Variants in WASHC4 observed in about 807,000 individuals in gnomAD.
WASHC4 encodes WASH complex subunit 4.
Under a neutral mutation model 166.6 loss-of-function variants are expected in WASHC4, and 86 were observed. The observed-to-expected ratio is 0.52, with a 90% CI of 0.43 to 0.62. The LOEUF (loss-of-function observed/expected upper bound fraction) is 0.62, where lower values mean the gene tolerates loss of function less well. WASHC4 is among the 20% of genes least tolerant of loss of function. The probability of loss-of-function intolerance (pLI) is 0.00; values close to 1 mark genes in which losing one functional copy is unlikely to be tolerated. For missense variants in WASHC4, 1,262 were observed against 1,382.4 expected, an observed-to-expected ratio of 0.91 and a Z score of 1.38; for synonymous variants, 446 against 451.6, an observed-to-expected ratio of 0.99 and a Z score of 0.16.
At chr12:105,159,107 G>C (rs1045882300) in intron 28 of WASHC4, among the ~76,000 whole-genome samples, 2 of 152,140 alleles carry the variant, frequency 1.3e-5, no homozygotes, top group Non-Finnish European at 2.9e-5. Flanking sequence ...GCCTGAAAAT[G>C]GTTTAAATAG....
intron 14 of WASHC4, among the ~76,000 whole-genome samples, chr12:105,135,571 G>A (rs972429482): frequency 4.6e-5 from 7 of 151,818 alleles, no homozygotes; most frequent in African/African-American, 1.7e-4. Context: ...TTCTTTGTGT[G>A]TTTGTGCTAC....
At chr12:105,111,341 T>C (rs1879663716) in intron 2 of WASHC4, 77 bp downstream of exon 2, 3 of 955,334 alleles carry the variant, frequency 3.1e-6, no homozygotes, top group Non-Finnish European at 3.1e-6. Context: ...TTTTTTAAAA[T>C]GGAAAAAGTA....
At position 105,159,697 on chromosome 12, in the gene WASHC4, A is replaced by G. The variant is rs186771499; in HGVS notation, c.2913-304A>G. On this transcript the variant is annotated intron_variant, in intron 28 of 32. Coordinates refer to ENST00000332180, the MANE Select transcript of WASHC4 (RefSeq NM_015275.3). Reference sequence around the variant, plus strand: ...GAGAAACGTTAGAGATTTAAGGGGAAGAGGAAATATTTACAATGAAGAGGA... The same window carrying G: ...GAGAAACGTTAGAGATTTAAGGGGAGGAGGAAATATTTACAATGAAGAGGA... Among the ~76,000 whole-genome samples, 192 of 152,296 alleles carry G rather than the reference A, an allele frequency of 1.3e-3. 1 individual carries two copies. Among genetic ancestry groups the G allele is most frequent in the Middle Eastern group, 6.8e-3 (2 of 294 alleles).
At chr12:105,143,404 T>C (rs1228765012) in intron 20 of WASHC4, among the ~76,000 whole-genome samples, 161 bp downstream of exon 20, 1 of 152,052 alleles carries the variant, frequency 6.6e-6, no homozygotes, top group East Asian at 1.9e-4. Context: ...GTTGTGCTAA[T>C]TGGTCTGTAA....
At chr12:105,122,749 G>T (rs1880885999) in intron 10 of WASHC4, among the ~76,000 whole-genome samples, 1 of 152,050 alleles carries the variant, frequency 6.6e-6, no homozygotes, top group South Asian at 2.1e-4. Flanking sequence ...TGTTACTATT[G>T]TAATTGTTCT....
Position 105,148,918 on chromosome 12 carries a change from C to G in WASHC4, c.2515-697C>G, listed in dbSNP as rs189083133. ...TTTTGACTTTAATCTCAGCTCATACCTCACTTTCTTAGGATTTTCTGAGTC... is the reference window on the plus strand; with the variant it reads ...TTTTGACTTTAATCTCAGCTCATACGTCACTTTCTTAGGATTTTCTGAGTC... On this transcript the variant is annotated intron_variant, in intron 24 of 32. Transcript: ENST00000332180. 3.4e-4 allele frequency: 331 copies of G among 985,098 alleles called. 4 individuals carry two copies. The African/African-American group carries it at 5.4e-3, about 16-fold the overall frequency. The allele number at this position is 985,098 out of a possible 1,614,324, so 61.0% of individuals were successfully genotyped here.
At chr12:105,114,728 A>T (rs2135724865) in intron 4 of WASHC4, among the ~76,000 whole-genome samples, 1 of 152,200 alleles carries the variant, frequency 6.6e-6, no homozygotes, top group Non-Finnish European at 1.5e-5. Flanking sequence ...ATCTAGGTTT[A>T]CAAACCTCCA....
In WASHC4 at chr12:105,121,219, A is replaced by G. The variant is rs1880709714; in HGVS notation, c.665+15A>G. 2 of 1,382,410 alleles carry G rather than the reference A, an allele frequency of 1.4e-6. No individual in the cohort carries two copies. The highest frequency in any genetic ancestry group is 4.6e-5 in the East Asian group (2 of 43,716). 85.6% of individuals were successfully genotyped at this position (1,382,410 alleles called of 1,614,324 possible). ...ATGTACAAAAGGTACACCAATTAAA[A>G]TATTTTAAAATGTTTCTTACTTTGG... On this transcript the variant is annotated intron_variant, in intron 9 of 32. Coordinates refer to ENST00000332180, the MANE Select transcript of WASHC4 (RefSeq NM_015275.3).
At chr12:105,125,875 T>C in intron 10 of WASHC4, 129 bp from the exon 11 acceptor site, 1 of 865,790 alleles carries the variant, frequency 1.2e-6, no homozygotes, top group South Asian at 1.6e-5. Context: ...GAACCTGAGC[T>C]TTAGTTTTAG....
At chr12:105,133,681 TGCTGCAGGG>T in intron 13 of WASHC4, 80 bp from the exon 14 acceptor site, 1 of 1,082,312 alleles carries the variant, frequency 9.2e-7, no homozygotes, top group Non-Finnish European at 1.4e-6. Flanking sequence ...ATGAAATGAC[TGCTGCAGGG>T]AAATAATGTA....
intron 13 of WASHC4, among the ~76,000 whole-genome samples, chr12:105,132,276 A>G (rs1054700602): frequency 2.0e-5 from 3 of 152,160 alleles, no homozygotes; most frequent in Non-Finnish European, 2.9e-5. Flanking sequence ...GGTTTAAGCA[A>G]TTCTCTTGCC....
At chr12:105,134,626 G>A (rs796362726) in intron 14 of WASHC4, among the ~76,000 whole-genome samples, 10 of 152,072 alleles carry the variant, frequency 6.6e-5, no homozygotes, top group African/African-American at 2.2e-4. Context: ...GGTCTCTTTC[G>A]TGTGATATTA....
rs1347248161 is a variant in WASHC4, at chr12:105,127,144, C to T, written c.1054C>T (p.Leu352=). The T allele has an allele frequency of 3.1e-6, 5 of 1,612,944 alleles. No individual in the cohort carries two copies. In the South Asian group the frequency reaches 4.4e-5, roughly 14 times the overall value. The change falls in exon 13 of 33, where the codon CTA becomes TTA. Residue 352 remains leucine, a synonymous_variant. Coordinates refer to ENST00000332180, the MANE Select transcript of WASHC4 (RefSeq NM_015275.3). The part of the protein sequence containing the change: ...DICKKVPAIT[L]TANIIWFPDN... ...TCTGTTTCAGGTACCAGCCATCACT[C>T]TAACTGCTAATATTATTTGGTTTCC...
At chr12:105,141,607 C>G (rs144998938) in intron 18 of WASHC4, among the ~76,000 whole-genome samples, 1 of 152,272 alleles carries the variant, frequency 6.6e-6, no homozygotes, top group Admixed American at 6.5e-5. Context: ...ATCCATGATA[C>G]GTAGTGTTCT....
At chr12:105,125,863 A>G (rs1348301871) in intron 10 of WASHC4, 141 bp from the exon 11 acceptor site, 3 of 764,294 alleles carry the variant, frequency 3.9e-6, no homozygotes. Context: ...AGATTAGATT[A>G]AGAACCTGAG....
rs968666391 is a variant in WASHC4 at position 105,136,103 on chromosome 12, A to T, written c.1327-1783A>T. The stretch of plus-strand genomic sequence containing the variant: ...GTTGATCAAGATGATTTGAAGCAGG[A>T]TTTTGATCCTGTGATGGTTGTTTAA... On this transcript the variant is annotated intron_variant, in intron 14 of 32. Transcript: ENST00000332180. Among the ~76,000 whole-genome samples the T allele has an allele frequency of 5.3e-5, 8 of 152,246 alleles. No homozygotes were observed. The South Asian group carries it at 1.7e-3, about 32-fold the overall frequency.
chr12:105,117,611 C>T (rs1880310667), intron 6 of WASHC4, among the ~76,000 whole-genome samples: 1 of 152,148 alleles, frequency 6.6e-6, no homozygotes, highest in African/African-American at 2.4e-5. Context: ...TTAGATCTCA[C>T]AGCTGCATAA....
At chr12:105,122,050 AAATTTTT>A (rs1461924577) in intron 9 of WASHC4, 61 bp from the exon 10 acceptor site, 4 of 1,239,744 alleles carry the variant, frequency 3.2e-6, no homozygotes, top group Middle Eastern at 2.8e-4. Context: ...ACTTCCAGGA[AAATTTTT>A]AATTTTTAAT....
intron 1 of WASHC4, 109 bp from the exon 2 acceptor site, chr12:105,111,016 C>T: frequency 2.5e-6 from 2 of 788,484 alleles, no homozygotes; most frequent in Non-Finnish European, 2.1e-6. Flanking sequence ...CCAGACATTC[C>T]AGAGTAATAA....
Sources: allele counts gnomAD v4.1 joint callset (sites outside exome capture counted in the v4.1 genomes callset), GRCh38; gene constraint gnomAD v4.1.1; transcripts MANE v1.5; gene names NCBI Gene and HGNC (gene_info 2026-07-23, HGNC 2026-07-21).